Variants in DNMT3A observed in about 807,000 individuals in gnomAD.
The protein encoded by DNMT3A is DNA (cytosine-5)-methyltransferase 3A.
Under a neutral mutation model 117.6 loss-of-function variants are expected in DNMT3A, and 267 were observed. That is an observed-to-expected ratio of 2.27 (90% CI 2.05 to 2.51). The LOEUF is 2.51. Among genes scored for constraint, DNMT3A ranks in the 30% most tolerant of loss-of-function variants. DNMT3A has a pLI of 0.00. For missense variants in DNMT3A, 1,029 were observed against 1,260.2 expected (o/e 0.82, Z 2.78); for synonymous variants, 432 against 474.8 (o/e 0.91, Z 1.17).
At chr2:25,324,755 G>A (rs901445516) in intron 1 of DNMT3A, among the ~76,000 whole-genome samples, 3 of 152,188 alleles carry the variant, frequency 2.0e-5, no homozygotes, top group African/African-American at 7.2e-5. Context: ...GATGGATAAG[G>A]AGGAGGGAGA....
intron 1 of DNMT3A, among the ~76,000 whole-genome samples, chr2:25,341,497 C>G (rs1021306054): frequency 2.7e-5 from 4 of 145,802 alleles, no homozygotes; most frequent in African/African-American, 9.8e-5. Flanking sequence ...AGGGGCCCCC[C>G]GCGGCATTGT....
intron 3 of DNMT3A, among the ~76,000 whole-genome samples, chr2:25,283,360 C>CAA (rs56884375): frequency 9.2e-4 from 61 of 66,200 alleles, no homozygotes; most frequent in Admixed American, 1.0e-3. Context: ...GACTCCGCCT[C>CAA]AAAAAAAAAA....
intron 3 of DNMT3A, among the ~76,000 whole-genome samples, chr2:25,297,579 T>C (rs2033169036): frequency 6.6e-6 from 1 of 151,692 alleles, no homozygotes; most frequent in South Asian, 2.1e-4. Flanking sequence ...GGCACAATCT[T>C]GGCTCACTGC....
intron 6 of DNMT3A, among the ~76,000 whole-genome samples, chr2:25,269,827 C>A (rs140332061): frequency 2.0e-5 from 3 of 152,304 alleles, no homozygotes; most frequent in African/African-American, 7.2e-5. Context: ...TCTCATTTTC[C>A]CCGTTCACTT....
rs1286615338 is a variant in DNMT3A, at chr2:25,286,266, A to G, written c.178-3555T>C. 5.3e-5 allele frequency among the ~76,000 whole-genome samples: 8 copies of G among 152,206 alleles called. No individual in the cohort carries two copies. The highest frequency in any genetic ancestry group is 1.2e-4 in the Non-Finnish European group (8 of 68,034). ...CGACCAACCCAGTCCTTCATGCACA[A>G]GAGTAAGCCCTGCCCTGGCCTTGCC... On this transcript the variant is annotated intron_variant, in intron 3 of 22. Coordinates refer to ENST00000321117, the MANE Select transcript of DNMT3A (RefSeq NM_022552.5). The surrounding 1 kb of genome is among the most constrained non-coding windows in gnomAD (Gnocchi z 4.3).
Position 25,228,251 on chromosome 2 carries a change from A to T in DNMT3A, c.*6028T>A, listed in dbSNP as rs1672750421. On this transcript the variant is annotated 3_prime_UTR_variant, in exon 23 of 23. Transcript: ENST00000321117. Reference sequence around the variant, plus strand: ...AAAAAAAAAAAAAAAAAAAAAAAAAAATACAGTGGTGAAAGGATGCTGGAA... The same window carrying T: ...AAAAAAAAAAAAAAAAAAAAAAAAATATACAGTGGTGAAAGGATGCTGGAA... 1 of 137,750 alleles carries T rather than the reference A, an allele frequency of 7.3e-6. No homozygotes were observed. Among genetic ancestry groups the T allele is most frequent in the Non-Finnish European group, 1.6e-5 (1 of 64,310 alleles). 8.5% of individuals were successfully genotyped at this position (137,750 alleles called of 1,614,324 possible).
Position 25,337,639 on chromosome 2 carries a change from G to A in DNMT3A, c.-178+4187C>T, listed in dbSNP as rs559244145. ...CCATCCACAGGTGGCGGCACACCAC[G>A]TACACACACATCATGCACAGACACA... On this transcript the variant is annotated intron_variant, in intron 1 of 22. Coordinates refer to ENST00000321117, the MANE Select transcript of DNMT3A (RefSeq NM_022552.5). This position sits in a 1 kb window ranked among gnomAD's most constrained non-coding sequence, Gnocchi z 5.0. Among the ~76,000 whole-genome samples, 6 of 152,274 alleles carry A rather than the reference G, an allele frequency of 3.9e-5. No homozygotes were observed. Among genetic ancestry groups the A allele is most frequent in the Admixed American group, 6.5e-5 (1 of 15,298 alleles).
chr2:25,340,078 C>T (rs1457384501), intron 1 of DNMT3A, among the ~76,000 whole-genome samples: 1 of 152,248 alleles, frequency 6.6e-6, no homozygotes, highest in Admixed American at 6.5e-5. Context: ...CTCCCCAAGG[C>T]TTCTGTCCCC....
chr2:25,308,175 G>A (rs1020407132), intron 2 of DNMT3A, among the ~76,000 whole-genome samples: 1 of 152,162 alleles, frequency 6.6e-6, no homozygotes, highest in Non-Finnish European at 1.5e-5. Context: ...TAGGTAGGTA[G>A]GTAGGCAGGT....
chr2:25,293,323 G>A lies in DNMT3A; in HGVS notation c.177+6816C>T, dbSNP rs955829633. ...TCTCCCAGCATGTGCTCATGCTCAG[G>A]GATGAACGCCATGCTCATGGGTGCC... On this transcript the variant is annotated intron_variant, in intron 3 of 22. Coordinates refer to ENST00000321117, the MANE Select transcript of DNMT3A (RefSeq NM_022552.5). The surrounding 1 kb of genome is among the most constrained non-coding windows in gnomAD (Gnocchi z 4.7). Among the ~76,000 whole-genome samples, 5 of 152,144 alleles carry A rather than the reference G, an allele frequency of 3.3e-5. No individual in the cohort carries two copies. The highest frequency in any genetic ancestry group is 3.2e-3 in the Middle Eastern group (1 of 316).
chr2:25,283,087 G>C (rs901336715), intron 3 of DNMT3A, among the ~76,000 whole-genome samples: 10 of 152,162 alleles, frequency 6.6e-5, no homozygotes, highest in Admixed American at 6.5e-4. Context: ...CTCCGGCCAG[G>C]CGTGGTGGCT....
chr2:25,248,305 G>A (rs1470502697), intron 6 of DNMT3A, 53 bp from the exon 7 acceptor site: 3 of 1,583,520 alleles, frequency 1.9e-6, no homozygotes, highest in Non-Finnish European at 2.6e-6. Flanking sequence ...AATTAGCAAG[G>A]CCACCTGACA....
At chr2:25,275,141 C>G in intron 5 of DNMT3A, 54 bp from the exon 6 acceptor site, 1 of 1,500,138 alleles carries the variant, frequency 6.7e-7, no homozygotes, top group East Asian at 2.5e-5. Flanking sequence ...ACGGACCCAC[C>G]AAGGAGGCAC....
chr2:25,259,186 G>A (rs964118698), intron 6 of DNMT3A, among the ~76,000 whole-genome samples: 1 of 152,238 alleles, frequency 6.6e-6, no homozygotes, highest in Non-Finnish European at 1.5e-5. Flanking sequence ...TAAGGGGAAG[G>A]CTTCTCCACA....
chr2:25,340,426 T>G (rs1198246968), intron 1 of DNMT3A, among the ~76,000 whole-genome samples: 5 of 151,440 alleles, frequency 3.3e-5, no homozygotes, highest in Non-Finnish European at 5.9e-5. Context: ...AAAAGCAGTT[T>G]GGCAGCCCCA....
chr2:25,234,181 T>C lies in DNMT3A; in HGVS notation c.*98A>G. 1 of 1,499,290 alleles carries C rather than the reference T, an allele frequency of 6.7e-7. No homozygotes were observed. Among genetic ancestry groups the C allele is most frequent in the South Asian group, 1.4e-5 (1 of 71,296 alleles). 92.9% of individuals were successfully genotyped at this position (1,499,290 alleles called of 1,614,324 possible). A position where few individuals can be genotyped will look rare whatever the true frequency, so the allele number is the denominator to read the frequency against. ...CTTTTTCTCTTCTGGGTGCTGATAC[T>C]TCTCTCCATCCTCATGTTCTTGGTG... On this transcript the variant is annotated 3_prime_UTR_variant, in exon 23 of 23. Transcript: ENST00000321117. The surrounding 1 kb of genome is among the most constrained non-coding windows in gnomAD (Gnocchi z 4.5).
chr2:25,307,657 G>T (rs548562054), intron 2 of DNMT3A, among the ~76,000 whole-genome samples: 1 of 151,984 alleles, frequency 6.6e-6, no homozygotes, highest in Non-Finnish European at 1.5e-5. Flanking sequence ...GTAGAGACGG[G>T]GTTTTGCCAT....
chr2:25,283,773 A>G (rs2032075175), intron 3 of DNMT3A, among the ~76,000 whole-genome samples: 1 of 152,220 alleles, frequency 6.6e-6, no homozygotes, highest in African/African-American at 2.4e-5. Context: ...GTTCCAGGTA[A>G]TAAAAATCAA....
In DNMT3A at chr2:25,278,841, A is replaced by G. The variant is rs549238241; in HGVS notation, c.449-3298T>C. Reference sequence around the variant, plus strand: ...TGAGACGCTGTCTCAAAAAAAAAAAAAAATCTTCCTCCCGTGATCACACAT... The same window carrying G: ...TGAGACGCTGTCTCAAAAAAAAAAAGAAATCTTCCTCCCGTGATCACACAT... On this transcript the variant is annotated intron_variant, in intron 4 of 22. Coordinates refer to ENST00000321117, the MANE Select transcript of DNMT3A (RefSeq NM_022552.5). Among the ~76,000 whole-genome samples the G allele has an allele frequency of 1.5e-3, 221 of 152,338 alleles. 1 individual carries two copies. Among genetic ancestry groups the G allele is most frequent in the African/African-American group, 4.9e-3 (203 of 41,572 alleles).
Sources: gnomAD v4.1 joint callset for allele counts (sites outside exome capture counted in the v4.1 genomes callset) on GRCh38, gnomAD v4.1.1 for gene constraint, Gnocchi (gnomAD v3.1) non-coding constraint, MANE v1.5 for transcripts, NCBI Gene and HGNC (gene_info 2026-07-23, HGNC 2026-07-21) for gene names.